HPSE2: variants seen among roughly 807,000 people sequenced by gnomAD.
HPSE2 encodes heparanase 2 (inactive).
HPSE2 carries 38 observed loss-of-function variants against 60.5 expected under a neutral mutation model. That is an observed-to-expected ratio of 0.63 (90% CI 0.48 to 0.82). The LOEUF (loss-of-function observed/expected upper bound fraction) is 0.82, where lower values mean the gene tolerates loss of function less well. HPSE2 is among the 40% of genes least tolerant of loss of function. The pLI is 0.00. For missense variants in HPSE2, 713 were observed against 740.4 expected (o/e 0.96, Z 0.43); for synonymous variants, 295 against 293.2 (o/e 1.01, Z -0.06).
chr10:98,773,418 A>C (rs1180786533), intron 3 of HPSE2, among the ~76,000 whole-genome samples: 1 of 152,174 alleles, frequency 6.6e-6, no homozygotes, highest in Non-Finnish European at 1.5e-5. Context: ...ACTGGTCTAG[A>C]TACTTTTAGG....
At chr10:98,528,720 G>T (rs2133794381) in intron 9 of HPSE2, among the ~76,000 whole-genome samples, 1 of 152,350 alleles carries the variant, frequency 6.6e-6, no homozygotes, top group African/African-American at 2.4e-5. Context: ...AGCCGGAAGG[G>T]CAGCCTTTCC....
At chr10:99,166,229 T>C (rs1170146483) in intron 2 of HPSE2, among the ~76,000 whole-genome samples, 1 of 152,234 alleles carries the variant, frequency 6.6e-6, no homozygotes, top group African/African-American at 2.4e-5. Context: ...CCAGGTTGTT[T>C]CTAGTTTTCG....
intron 6 of HPSE2, among the ~76,000 whole-genome samples, chr10:98,688,732 T>G (rs1947993833): frequency 2.0e-5 from 3 of 151,918 alleles, no homozygotes; most frequent in Admixed American, 2.0e-4. Context: ...TGTCTCAGCC[T>G]CCCAAAGTGT....
At chr10:99,050,212 G>C (rs1957957694) in intron 3 of HPSE2, among the ~76,000 whole-genome samples, 1 of 152,092 alleles carries the variant, frequency 6.6e-6, no homozygotes, top group African/African-American at 2.4e-5. Flanking sequence ...TGAAGTGAGA[G>C]GATCACCTGA....
chr10:98,601,313 T>C (rs571817017), intron 9 of HPSE2, among the ~76,000 whole-genome samples: 14 of 152,184 alleles, frequency 9.2e-5, no homozygotes, highest in Non-Finnish European at 1.8e-4. Flanking sequence ...ACTATCTGGG[T>C]AACATGGCCT....
At chr10:99,072,013 C>T (rs1842805560) in intron 3 of HPSE2, among the ~76,000 whole-genome samples, 1 of 125,608 alleles carries the variant, frequency 8.0e-6, no homozygotes, top group African/African-American at 2.6e-5. Context: ...TGGATTGCCT[C>T]TAACTTTGTT....
chr10:98,880,578 G>A (rs1952995434), intron 3 of HPSE2, among the ~76,000 whole-genome samples: 2 of 151,940 alleles, frequency 1.3e-5, no homozygotes, highest in Admixed American at 6.6e-5. Context: ...CTCTCACCAG[G>A]TGCAAAATGA....
At chr10:98,529,598 T>C (rs1321326420) in intron 9 of HPSE2, among the ~76,000 whole-genome samples, 1 of 152,174 alleles carries the variant, frequency 6.6e-6, no homozygotes, top group Admixed American at 6.5e-5. Context: ...CAAGCTTGCC[T>C]TTCTAATCTC....
chr10:98,541,769 G>A (rs1454937585), intron 9 of HPSE2, among the ~76,000 whole-genome samples: 5 of 152,200 alleles, frequency 3.3e-5, no homozygotes, highest in Admixed American at 1.3e-4. Flanking sequence ...CTGGGGGAGG[G>A]GCACCCGCCA....
At chr10:99,035,122 C>T (rs572680638) in intron 3 of HPSE2, among the ~76,000 whole-genome samples, 58 of 152,160 alleles carry the variant, frequency 3.8e-4, no homozygotes, top group African/African-American at 1.2e-3. Flanking sequence ...ACAAATTAAC[C>T]GTAGCTTTCT....
intron 3 of HPSE2, among the ~76,000 whole-genome samples, chr10:99,081,642 A>C (rs913994394): frequency 6.9e-5 from 10 of 145,480 alleles, no homozygotes; most frequent in Admixed American, 2.8e-4. Flanking sequence ...ATTTCTTTTT[A>C]TTTTTTTTTT....
At chr10:98,513,314 T>C (rs561391974) in intron 9 of HPSE2, among the ~76,000 whole-genome samples, 118 of 152,084 alleles carry the variant, frequency 7.8e-4, no homozygotes, top group African/African-American at 2.7e-3. Flanking sequence ...CAGATGTGAG[T>C]AATAGTGGGA....
chr10:98,471,763 C>T (rs138732844), intron 11 of HPSE2, among the ~76,000 whole-genome samples: 6 of 152,168 alleles, frequency 3.9e-5, no homozygotes, highest in Admixed American at 1.3e-4. Context: ...GATGAAGCAT[C>T]AGCGCTGATA....
At chr10:99,164,819 C>T (rs1475479805) in intron 2 of HPSE2, among the ~76,000 whole-genome samples, 1 of 152,080 alleles carries the variant, frequency 6.6e-6, no homozygotes, top group African/African-American at 2.4e-5. Context: ...GGTCAGGTGG[C>T]TCACGCCTGT....
At chr10:98,465,774 A>G (rs1940502461) in intron 11 of HPSE2, among the ~76,000 whole-genome samples, 1 of 152,188 alleles carries the variant, frequency 6.6e-6, no homozygotes. Context: ...ATGCTGAATG[A>G]TCCAGCCTAG....
At chr10:99,140,874 T>G (rs1397269732) in intron 3 of HPSE2, among the ~76,000 whole-genome samples, 1 of 152,096 alleles carries the variant, frequency 6.6e-6, no homozygotes, top group African/African-American at 2.4e-5. Flanking sequence ...CCATCTCTAC[T>G]AAAAATACAA....
At chr10:98,679,126 C>T (rs768777566) in intron 6 of HPSE2, among the ~76,000 whole-genome samples, 1 of 152,068 alleles carries the variant, frequency 6.6e-6, no homozygotes, top group Non-Finnish European at 1.5e-5. Context: ...TGTGACAGAA[C>T]CCCACAAAAT....
intron 6 of HPSE2, among the ~76,000 whole-genome samples, chr10:98,679,555 G>GTT (rs201476015): frequency 6.6e-6 from 1 of 151,538 alleles, no homozygotes; most frequent in African/African-American, 2.4e-5. Flanking sequence ...TTTCTACTGT[G>GTT]TTTTTTTTAA....
chr10:98,585,276 CTTTT>C (rs35472307), intron 9 of HPSE2, among the ~76,000 whole-genome samples: 1 of 144,154 alleles, frequency 6.9e-6, no homozygotes, highest in African/African-American at 2.6e-5. Flanking sequence ...AAAGTAGTGT[CTTTT>C]TTTTTTTTTG....
Sources: gnomAD v4.1 joint callset for allele counts (sites outside exome capture counted in the v4.1 genomes callset) on GRCh38, gnomAD v4.1.1 for gene constraint, MANE v1.5 for transcripts, NCBI Gene and HGNC (gene_info 2026-07-23, HGNC 2026-07-21) for gene names.